RNF220: variants seen among roughly 807,000 people sequenced by gnomAD.
RNF220 encodes ring finger protein 220, also known as E3 ubiquitin-protein ligase RNF220.
Under a neutral mutation model 67.1 loss-of-function variants are expected in RNF220, and 7 were observed. That is an observed-to-expected ratio of 0.10 (90% CI 0.06 to 0.20). RNF220 has a LOEUF of 0.20. Among genes scored for constraint, RNF220 ranks in the 10% least tolerant of loss-of-function variants. The pLI is 1.00. For synonymous variants in RNF220, 270 were observed against 283.2 expected (o/e 0.95, Z 0.47); for missense variants, 565 against 740.3 (o/e 0.76, Z 2.75).
chr1:44,494,205 C>CAAAAAAAAAAAAAAAA (rs375116674), intron 2 of RNF220, among the ~76,000 whole-genome samples: 3 of 122,496 alleles, frequency 2.4e-5, no homozygotes, highest in African/African-American at 6.3e-5. Flanking sequence ...GAAACTCTGT[C>CAAAAAAAAAAAAAAAA]AAAAAAAAAA....
intron 2 of RNF220, among the ~76,000 whole-genome samples, chr1:44,540,378 G>A (rs1661580286): frequency 6.6e-6 from 1 of 152,188 alleles, no homozygotes; most frequent in Admixed American, 6.5e-5. Flanking sequence ...TGTGTAGCAG[G>A]CAGTTTTTGT....
At chr1:44,593,162 T>G (rs1201401211) in intron 2 of RNF220, among the ~76,000 whole-genome samples, 1 of 152,038 alleles carries the variant, frequency 6.6e-6, no homozygotes, top group Non-Finnish European at 1.5e-5. Flanking sequence ...GACCCACCAG[T>G]TTGTTTGGCA....
intron 6 of RNF220, 190 bp from the exon 7 acceptor site, chr1:44,635,355 C>A: frequency 1.3e-6 from 1 of 757,102 alleles, no homozygotes; most frequent in Non-Finnish European, 2.1e-6. Flanking sequence ...CCAGTCTCCT[C>A]CCCAGGTGCT....
intron 2 of RNF220, among the ~76,000 whole-genome samples, chr1:44,492,013 C>G (rs1656902221): frequency 1.3e-5 from 2 of 151,950 alleles, no homozygotes; most frequent in Non-Finnish European, 2.9e-5. Flanking sequence ...GAGGTTTTAG[C>G]TAGGGCAATT....
At chr1:44,595,035 A>T (rs1212627085) in intron 2 of RNF220, among the ~76,000 whole-genome samples, 1 of 152,306 alleles carries the variant, frequency 6.6e-6, no homozygotes, top group South Asian at 2.1e-4. Flanking sequence ...GGACCTTGCC[A>T]CTCAAAGAGC....
intron 9 of RNF220, 42 bp downstream of exon 9, chr1:44,644,836 C>A (rs1264551470): frequency 1.3e-6 from 2 of 1,561,646 alleles, no homozygotes; most frequent in Non-Finnish European, 1.8e-6. Flanking sequence ...GCTGATAGGG[C>A]AGGCACAGGG....
In RNF220 at chr1:44,565,450, G is replaced by A. The variant is rs930873385; in HGVS notation, c.626-48715G>A. Among the ~76,000 whole-genome samples, 9 of 152,186 alleles carry A rather than the reference G, an allele frequency of 5.9e-5. No individual in the cohort carries two copies. The highest frequency in any genetic ancestry group is 6.5e-5 in the Admixed American group (1 of 15,282). The stretch of plus-strand genomic sequence containing the variant: ...GGCCCAGGCAGAGCCAGAGAGAGCC[G>A]CAGGAGCCGCTTAATCTGCCCCTAG... On this transcript the variant is annotated intron_variant, in intron 2 of 14. Coordinates refer to ENST00000361799, the MANE Select transcript of RNF220 (RefSeq NM_018150.4). This position sits in a 1 kb window ranked among gnomAD's most constrained non-coding sequence, Gnocchi z 4.2.
chr1:44,481,520 G>T (rs917287929), intron 2 of RNF220, among the ~76,000 whole-genome samples: 7 of 152,134 alleles, frequency 4.6e-5, no homozygotes, highest in African/African-American at 1.2e-4. Flanking sequence ...GGAACAACAC[G>T]CACACAGGGC....
chr1:44,479,713 C>T (rs1385362874), intron 2 of RNF220, among the ~76,000 whole-genome samples: 1 of 152,188 alleles, frequency 6.6e-6, no homozygotes, highest in Non-Finnish European at 1.5e-5. Flanking sequence ...ATTTGAAAAT[C>T]TCTTACTAGA....
At chr1:44,519,315 TATG>T (rs1382084429) in intron 2 of RNF220, among the ~76,000 whole-genome samples, 2 of 152,172 alleles carry the variant, frequency 1.3e-5, no homozygotes, top group African/African-American at 2.4e-5. Context: ...GCACTGAACA[TATG>T]ATAATAAATC....
At position 44,412,846 on chromosome 1, in the gene RNF220, T is replaced by C; in HGVS notation, c.625+124T>C. The stretch of plus-strand genomic sequence containing the variant: ...GAAGGGCCAACTACTTCCCTTTCAC[T>C]AGCTGTGGAGTGCTAACCTTTGCTT... On this transcript the variant is annotated intron_variant, in intron 2 of 14. Coordinates refer to ENST00000361799, the MANE Select transcript of RNF220 (RefSeq NM_018150.4). The surrounding 1 kb of genome is among the most constrained non-coding windows in gnomAD (Gnocchi z 5.3). 9.4e-7 allele frequency: 1 copy of C among 1,067,460 alleles called. No homozygotes were observed. The highest frequency in any genetic ancestry group is 2.4e-5 in the East Asian group (1 of 42,014). The allele number at this position is 1,067,460 out of a possible 1,614,324, so 66.1% of individuals were successfully genotyped here.
In RNF220 at chr1:44,650,899, C is replaced by T; in HGVS notation, c.*124C>T. On this transcript the variant is annotated 3_prime_UTR_variant, in exon 15 of 15. Coordinates refer to ENST00000361799, the MANE Select transcript of RNF220 (RefSeq NM_018150.4). The surrounding 1 kb of genome is among the most constrained non-coding windows in gnomAD (Gnocchi z 4.3). The stretch of plus-strand genomic sequence containing the variant: ...CCCCATGTACATACATGCACATACT[C>T]AAACATGCGTACACACACACACATT... 1 of 810,364 alleles carries T rather than the reference C, an allele frequency of 1.2e-6. No homozygotes were observed. 50.2% of individuals were successfully genotyped at this position (810,364 alleles called of 1,614,324 possible).
At chr1:44,433,692 C>T (rs1650652472) in intron 2 of RNF220, among the ~76,000 whole-genome samples, 1 of 152,156 alleles carries the variant, frequency 6.6e-6, no homozygotes, top group East Asian at 1.9e-4. Flanking sequence ...ACATAATGGC[C>T]AGGTGTGGTG....
chr1:44,405,694 C>T (rs1034580907), intron 1 of RNF220, among the ~76,000 whole-genome samples, 164 bp downstream of exon 1: 1 of 152,082 alleles, frequency 6.6e-6, no homozygotes, highest in Non-Finnish European at 1.5e-5. Flanking sequence ...CGGACTGGCG[C>T]GTCTTGGATC....
intron 2 of RNF220, among the ~76,000 whole-genome samples, chr1:44,516,331 A>G (rs1659449032): frequency 6.6e-6 from 1 of 152,220 alleles, no homozygotes; most frequent in South Asian, 2.1e-4. Flanking sequence ...TAGAAGAAGC[A>G]AACACCTAAA....
rs11805372 is a variant in RNF220, at chr1:44,612,844, G to T, written c.626-1321G>T. Among the ~76,000 whole-genome samples the T allele has an allele frequency of 2.4e-3, 363 of 152,054 alleles. 1 individual carries two copies. The highest frequency in any genetic ancestry group is 8.6e-3 in the African/African-American group (357 of 41,462). ...TGGCAACCCCTTAGGCAACCATCTTGCTCATGTCTGGCATGGCCTTTATCT... is the reference window on the plus strand; with the variant it reads ...TGGCAACCCCTTAGGCAACCATCTTTCTCATGTCTGGCATGGCCTTTATCT... On this transcript the variant is annotated intron_variant, in intron 2 of 14. Coordinates refer to ENST00000361799, the MANE Select transcript of RNF220 (RefSeq NM_018150.4).
At position 44,412,886 on chromosome 1, in the gene RNF220, A is replaced by G. The variant is rs1249614664; in HGVS notation, c.625+164A>G. 6.6e-6 allele frequency among the ~76,000 whole-genome samples: 1 copy of G among 152,146 alleles called. No individual in the cohort carries two copies. The highest frequency in any genetic ancestry group is 6.5e-5 in the Admixed American group (1 of 15,280). On this transcript the variant is annotated intron_variant, in intron 2 of 14. Transcript: ENST00000361799. The surrounding 1 kb of genome is among the most constrained non-coding windows in gnomAD (Gnocchi z 5.3). The stretch of plus-strand genomic sequence containing the variant: ...AACCTTTGCTTGTCTCTTATCAGTG[A>G]GCACTGATAGTTCTTGAAATATTTT...
chr1:44,567,540 C>T (rs372061028), intron 2 of RNF220, among the ~76,000 whole-genome samples: 11 of 151,906 alleles, frequency 7.2e-5, no homozygotes, highest in East Asian at 5.8e-4. Context: ...CTCAAGCGAT[C>T]TTGAGAAGAT....
At chr1:44,586,336 A>G (rs1287405261) in intron 2 of RNF220, among the ~76,000 whole-genome samples, 3 of 152,160 alleles carry the variant, frequency 2.0e-5, no homozygotes, top group African/African-American at 4.8e-5. Context: ...CAAGAGGGTA[A>G]AAAGATAAAT....
Sources: allele counts gnomAD v4.1 joint callset (sites outside exome capture counted in the v4.1 genomes callset), GRCh38; gene constraint gnomAD v4.1.1; non-coding constraint Gnocchi (gnomAD v3.1); transcripts MANE v1.5; gene names NCBI Gene and HGNC (gene_info 2026-07-23, HGNC 2026-07-21).